Variants in KIFC3 observed in about 807,000 individuals in gnomAD.
KIFC3 encodes the protein kinesin family member C3.
KIFC3 carries 60 observed loss-of-function variants against 101.8 expected under a neutral mutation model. The ratio of observed to expected loss-of-function variants is 0.59; its 90% CI spans 0.48 to 0.73. The LOEUF (loss-of-function observed/expected upper bound fraction) is 0.73, where lower values mean the gene tolerates loss of function less well. Ranked by LOEUF, KIFC3 falls within the 30% of genes least tolerant of loss-of-function variation. The pLI is 0.00. For synonymous variants in KIFC3, 476 were observed against 482.7 expected, an observed-to-expected ratio of 0.99 and a Z score of 0.18; for missense variants, 966 against 1,137.1, an observed-to-expected ratio of 0.85 and a Z score of 2.16.
upstream of KIFC3, among the ~76,000 whole-genome samples, chr16:57,806,543 C>T (rs1315342302): frequency 6.6e-6 from 1 of 152,128 alleles, no homozygotes; most frequent in Admixed American, 6.5e-5. Flanking sequence ...CTCAGCTGAC[C>T]CCAGCTCAGG....
intron 1 of KIFC3, among the ~76,000 whole-genome samples, chr16:57,853,528 T>C (rs143862320): frequency 2.7e-3 from 404 of 152,332 alleles, no homozygotes; most frequent in African/African-American, 9.2e-3. Context: ...AAACAATTCA[T>C]TGGTGAACCC....
chr16:57,775,052 T>C, intron 3 of KIFC3: 1 of 1,519,214 alleles, frequency 6.6e-7, no homozygotes, highest in Middle Eastern at 1.7e-4. Flanking sequence ...TTGCCAGTGT[T>C]TGCTGGGGGT....
At chr16:57,781,265 T>C (rs1555614477) in intron 3 of KIFC3, among the ~76,000 whole-genome samples, 1 of 152,032 alleles carries the variant, frequency 6.6e-6, no homozygotes, top group Non-Finnish European at 1.5e-5. Flanking sequence ...CAGTGAGCTG[T>C]GATCACGCCC....
At chr16:57,841,431 T>C (rs1411164177) in intron 1 of KIFC3, among the ~76,000 whole-genome samples, 1 of 152,170 alleles carries the variant, frequency 6.6e-6, no homozygotes, top group African/African-American at 2.4e-5. Context: ...CTTGGGAGGT[T>C]GAGGTGGGTA....
rs782498903 is a variant in KIFC3, at chr16:57,771,335, C to T, written c.628G>A (p.Asp210Asn). 5.0e-6 allele frequency: 8 copies of T among 1,613,784 alleles called. No individual in the cohort carries two copies. Among genetic ancestry groups the T allele is most frequent in the South Asian group, 3.3e-5 (3 of 91,076 alleles). The change falls in exon 6 of 20, where the codon GAC becomes AAC. Residue 210 changes from aspartate (D) to asparagine (N), a missense_variant. Asp to Asn is a conservative substitution (Grantham distance 23, BLOSUM62 1). Around this residue, in one of 2 missense-constraint regions of KIFC3, gnomAD observed 689 missense variants for 884.6 expected, o/e 0.78. Transcript: ENST00000445690. ...ELNLEVQQKT[D>N]RLAEVELRLK... ...CGCAGCTCCACCTCAGCCAGCCGGT[C>T]GGTCTTCTGCTGCACCTCTAGGTTC...
intron 17 of KIFC3, 190 bp from the exon 18 acceptor site, chr16:57,760,026 A>G (rs1333077804): frequency 8.2e-6 from 5 of 609,988 alleles, no homozygotes; most frequent in Non-Finnish European, 1.4e-5. Context: ...AAAGAAGTCA[A>G]CTAGTTACCA....
intron 3 of KIFC3, among the ~76,000 whole-genome samples, chr16:57,772,573 GC>G (rs1484705706): frequency 6.6e-6 from 1 of 152,108 alleles, no homozygotes; most frequent in Admixed American, 6.5e-5. Context: ...CCACCCCGAT[GC>G]CCCCTGGGCC....
At chr16:57,781,127 G>A (rs1555614375) in intron 3 of KIFC3, among the ~76,000 whole-genome samples, 1 of 152,136 alleles carries the variant, frequency 6.6e-6, no homozygotes, top group Non-Finnish European at 1.5e-5. Context: ...AGACGTGCCT[G>A]GGCAATATAG....
At chr16:57,815,330 T>TA in intron 1 of KIFC3, 1 of 670,396 alleles carries the variant, frequency 1.5e-6, no homozygotes, top group Non-Finnish European at 2.0e-6. Flanking sequence ...GTAACCAGAG[T>TA]AGCTCCGGGT....
chr16:57,766,992 G>A lies in KIFC3; in HGVS notation c.1219-7C>T, dbSNP rs1185761001. 2 of 1,600,470 alleles carry A rather than the reference G, an allele frequency of 1.2e-6. No individual in the cohort carries two copies. The highest frequency in any genetic ancestry group is 1.1e-5 in the South Asian group (1 of 90,808). ...CCTCGATGGCCTGGCCTATCTGGTGGGGGGTGCACACCACTGTCAGGGGGA... is the reference window on the plus strand; with the variant it reads ...CCTCGATGGCCTGGCCTATCTGGTGAGGGGTGCACACCACTGTCAGGGGGA... On this transcript the variant is annotated splice_polypyrimidine_tract_variant and splice_region_variant and intron_variant, in intron 9 of 19. Coordinates refer to ENST00000445690, the MANE Select transcript of KIFC3 (RefSeq NM_001130100.2).
intron 1 of KIFC3, among the ~76,000 whole-genome samples, chr16:57,808,695 T>C (rs1468891450): frequency 2.6e-5 from 4 of 152,144 alleles, no homozygotes; most frequent in Non-Finnish European, 4.4e-5. Flanking sequence ...GCTGATGTCA[T>C]TTCTGTGTTA....
chr16:57,800,756 CAG>C (rs1174252218), intron 1 of KIFC3, among the ~76,000 whole-genome samples: 1 of 152,128 alleles, frequency 6.6e-6, no homozygotes, highest in Non-Finnish European at 1.5e-5. Context: ...TTAGCAGCCT[CAG>C]GGGTGTGAAG....
At chr16:57,860,658 C>T (rs913135127) in intron 1 of KIFC3, among the ~76,000 whole-genome samples, 3 of 151,962 alleles carry the variant, frequency 2.0e-5, no homozygotes, top group African/African-American at 7.2e-5. Flanking sequence ...GAGACTATTA[C>T]GGAGTAGGGC....
At position 57,769,654 on chromosome 16, in the gene KIFC3, G is replaced by A. The variant is rs782367652; in HGVS notation, c.1159C>T (p.Arg387Trp). 3.0e-5 allele frequency: 49 copies of A among 1,611,678 alleles called. No individual in the cohort carries two copies. Among genetic ancestry groups the A allele is most frequent in the Non-Finnish European group, 3.6e-5 (43 of 1,180,024 alleles). The change falls in exon 9 of 20, where the codon CGG becomes TGG. Residue 387 changes from arginine (R) to tryptophan (W), a missense_variant. By Grantham distance (101) the Arg-to-Trp change is moderately radical. Transcript: ENST00000445690. The surrounding 1 kb of genome is among the most constrained non-coding windows in gnomAD (Gnocchi z 4.3). ...AGCAGTGGGAAGCCGCGCACCTGCC[G>A]CTTGAGCCCATTGTAGTCGTTGGTG... Reference protein sequence around the residue: ...TLTNDYNGLKRQVRGFPLLLQ... With the variant: ...TLTNDYNGLKWQVRGFPLLLQ...
At chr16:57,811,823 G>C (rs1340246180) in intron 1 of KIFC3, among the ~76,000 whole-genome samples, 1 of 151,454 alleles carries the variant, frequency 6.6e-6, no homozygotes, top group African/African-American at 2.4e-5. Flanking sequence ...GGCTGAGGCG[G>C]AGAATCACTT....
intron 1 of KIFC3, among the ~76,000 whole-genome samples, chr16:57,843,838 T>C (rs2055859592): frequency 6.6e-6 from 1 of 152,168 alleles, no homozygotes. Context: ...CCGGGCATGG[T>C]GGCTCACGCT....
chr16:57,841,570 G>A (rs2055810397), intron 1 of KIFC3, among the ~76,000 whole-genome samples: 1 of 152,150 alleles, frequency 6.6e-6, no homozygotes. Context: ...GGGAGGCCGA[G>A]GCAGGAGAAT....
intron 1 of KIFC3, among the ~76,000 whole-genome samples, chr16:57,831,230 G>A (rs1416292226): frequency 6.6e-6 from 1 of 152,206 alleles, no homozygotes; most frequent in African/African-American, 2.4e-5. Context: ...AACCACATCT[G>A]CTCACACCAG....
intron 1 of KIFC3, among the ~76,000 whole-genome samples, chr16:57,822,428 G>A (rs536860797): frequency 3.4e-4 from 52 of 152,270 alleles, no homozygotes; most frequent in Non-Finnish European, 6.3e-4. Flanking sequence ...GTGGCTGGGC[G>A]CGGTGGCTCA....
Sources: allele counts gnomAD v4.1 joint callset (sites outside exome capture counted in the v4.1 genomes callset), GRCh38; gene constraint gnomAD v4.1.1; regional missense constraint gnomAD v4.1.1; non-coding constraint Gnocchi (gnomAD v3.1); transcripts MANE v1.5; gene names NCBI Gene and HGNC (gene_info 2026-07-23, HGNC 2026-07-21).